VWA8: variants seen among roughly 807,000 people sequenced by gnomAD.
VWA8 encodes von Willebrand factor A domain containing 8.
Under a neutral mutation model 241.5 loss-of-function variants are expected in VWA8, and 221 were observed. The ratio of observed to expected loss-of-function variants is 0.91; its 90% CI spans 0.82 to 1.02. VWA8 has a LOEUF of 1.02. Among genes scored for constraint, VWA8 ranks in the 50% least tolerant of loss-of-function variants. VWA8 has a pLI of 0.00. For missense variants in VWA8, 2,322 were observed against 2,328.7 expected, an observed-to-expected ratio of 1.00 and a Z score of 0.06; for synonymous variants, 852 against 827.1, an observed-to-expected ratio of 1.03 and a Z score of -0.52.
intron 39 of VWA8, among the ~76,000 whole-genome samples, 178 bp downstream of exon 39, chr13:41,611,398 G>A (rs1372935994): frequency 6.6e-6 from 1 of 152,182 alleles, no homozygotes; most frequent in East Asian, 1.9e-4. Flanking sequence ...AAGAACAGGT[G>A]ATTTTGTTTA....
chr13:41,800,457 T>A (rs1247052300), intron 17 of VWA8, among the ~76,000 whole-genome samples: 1 of 152,144 alleles, frequency 6.6e-6, no homozygotes, highest in Non-Finnish European at 1.5e-5. Flanking sequence ...TTCATGTATA[T>A]CACTAGCTTT....
intron 41 of VWA8, among the ~76,000 whole-genome samples, chr13:41,589,040 CA>C (rs1299245865): frequency 6.6e-6 from 1 of 152,028 alleles, no homozygotes; most frequent in Non-Finnish European, 1.5e-5. Context: ...AAGAACTCCC[CA>C]AATCACCAGA....
chr13:41,603,651 T>C (rs904562749), intron 40 of VWA8, among the ~76,000 whole-genome samples: 2 of 152,132 alleles, frequency 1.3e-5, no homozygotes, highest in African/African-American at 4.8e-5. Context: ...ATTCAGGATC[T>C]GGTGCCTACG....
chr13:41,643,160 T>G (rs2044807881), intron 37 of VWA8, among the ~76,000 whole-genome samples: 1 of 152,202 alleles, frequency 6.6e-6, no homozygotes, highest in African/African-American at 2.4e-5. Context: ...TGTCTTCTCA[T>G]ACACTTATTG....
rs771502240 is a variant in VWA8 at position 41,685,030 on chromosome 13, G to A, written c.4327+17C>T. The A allele has an allele frequency of 8.7e-6, 14 of 1,603,420 alleles. No homozygotes were observed. In the African/African-American group the frequency reaches 1.9e-4, roughly 22 times the overall value. On this transcript the variant is annotated intron_variant, in intron 35 of 44. Transcript: ENST00000379310. The stretch of plus-strand genomic sequence containing the variant: ...AAACCACCTTTGTAAATTAGGAATT[G>A]GTGAGTTCCTTCTTACCTTTTGGGT...
chr13:41,880,717 A>T (rs1874128961), intron 9 of VWA8, among the ~76,000 whole-genome samples: 1 of 152,206 alleles, frequency 6.6e-6, no homozygotes, highest in Non-Finnish European at 1.5e-5. Flanking sequence ...TCATGGCCAA[A>T]CATACATCAT....
intron 40 of VWA8, among the ~76,000 whole-genome samples, chr13:41,604,707 G>A (rs1420070927): frequency 2.0e-5 from 3 of 152,134 alleles, no homozygotes; most frequent in Admixed American, 2.0e-4. Flanking sequence ...ATGAGGCTTT[G>A]CTTTCTCTTT....
chr13:41,577,445 T>C (rs142755869), intron 42 of VWA8, among the ~76,000 whole-genome samples: 55 of 152,278 alleles, frequency 3.6e-4, no homozygotes, highest in African/African-American at 1.1e-3. Context: ...GCAGCTGAGC[T>C]CAGCTGTTAG....
rs59345894 is a variant in VWA8, at chr13:41,729,798, G to GACACACACACACAC, written c.2503-135_2503-122dup. ...TATTTAAGTTACAAGTATACACGTA[G>GACACACACACACAC]ACACACACACACACACACACACACA... On this transcript the variant is annotated intron_variant, in intron 22 of 44. Transcript: ENST00000379310. 51 of 445,200 alleles carry GACACACACACACAC rather than the reference G, an allele frequency of 1.1e-4. 1 individual carries two copies. The highest frequency in any genetic ancestry group is 2.5e-4 in the Admixed American group (7 of 27,586). The allele number at this position is 445,200 out of a possible 1,614,324, so 27.6% of individuals were successfully genotyped here.
chr13:41,708,781 C>T (rs542577886), intron 26 of VWA8, among the ~76,000 whole-genome samples: 12 of 152,220 alleles, frequency 7.9e-5, no homozygotes, highest in African/African-American at 1.9e-4. Flanking sequence ...ATATACTCCC[C>T]GATACCCAGA....
rs572143727 is a variant in VWA8, at chr13:41,951,362, A to T, written c.164-1349T>A. 3.9e-5 allele frequency among the ~76,000 whole-genome samples: 6 copies of T among 152,366 alleles called. No homozygotes were observed. In the East Asian group the frequency reaches 1.2e-3, roughly 29 times the overall value. The stretch of plus-strand genomic sequence containing the variant: ...AAGCCAGGAGGCGGAGGTTGCAGCA[A>T]GCCAAGATTACGCCACTGCACTCCA... On this transcript the variant is annotated intron_variant, in intron 1 of 44. Coordinates refer to ENST00000379310, the MANE Select transcript of VWA8 (RefSeq NM_015058.2).
At chr13:41,635,508 G>A (rs12855727) in intron 37 of VWA8, among the ~76,000 whole-genome samples, 4,918 of 152,240 alleles carry the variant, frequency 0.032, 93 homozygotes, top group South Asian at 0.077. Flanking sequence ...CTTCCTTGCC[G>A]GTTAGTCTGC....
At chr13:41,886,706 A>G in intron 7 of VWA8, 75 bp downstream of exon 7, 3 of 1,212,212 alleles carry the variant, frequency 2.5e-6, no homozygotes, top group Non-Finnish European at 3.5e-6. Flanking sequence ...GACTGAATTA[A>G]TTAATCAATC....
At chr13:41,738,397 A>C (rs923259261) in intron 21 of VWA8, among the ~76,000 whole-genome samples, 2 of 152,170 alleles carry the variant, frequency 1.3e-5, no homozygotes, top group East Asian at 1.9e-4. Flanking sequence ...TGCTGGTAGC[A>C]AAAAGCCACA....
intron 26 of VWA8, among the ~76,000 whole-genome samples, chr13:41,709,765 C>T (rs1475992095): frequency 4.9e-5 from 7 of 142,284 alleles, no homozygotes; most frequent in South Asian, 4.3e-4. Flanking sequence ...CTCTCTGTCT[C>T]TCTCTCTTTT....
chr13:41,825,393 T>A (rs556578841), intron 14 of VWA8, among the ~76,000 whole-genome samples: 1 of 152,132 alleles, frequency 6.6e-6, no homozygotes, highest in Non-Finnish European at 1.5e-5. Context: ...AAAAACACCA[T>A]CCAATTGCTA....
intron 42 of VWA8, among the ~76,000 whole-genome samples, chr13:41,583,599 C>T (rs901255296): frequency 4.0e-5 from 6 of 148,744 alleles, no homozygotes; most frequent in East Asian, 4.0e-4. Flanking sequence ...GCCGAGATCA[C>T]GCCACTGCAC....
chr13:41,893,987 A>C (rs895878133), intron 4 of VWA8, among the ~76,000 whole-genome samples: 1 of 152,184 alleles, frequency 6.6e-6, no homozygotes. Context: ...AAAAGAAATT[A>C]ATTGTTATCA....
At chr13:41,676,840 C>T (rs941646448) in intron 35 of VWA8, among the ~76,000 whole-genome samples, 1 of 152,028 alleles carries the variant, frequency 6.6e-6, no homozygotes, top group Non-Finnish European at 1.5e-5. Flanking sequence ...ACCATGTTGG[C>T]CAGGCTGGTC....
Sources: gnomAD v4.1 joint callset for allele counts (sites outside exome capture counted in the v4.1 genomes callset) on GRCh38, gnomAD v4.1.1 for gene constraint, MANE v1.5 for transcripts, NCBI Gene and HGNC (gene_info 2026-07-23, HGNC 2026-07-21) for gene names.